The following NECAB1 variants were observed in gnomAD, a reference collection of about 807,000 sequenced individuals.
The protein encoded by NECAB1 is N-terminal EF-hand calcium binding protein 1.
A neutral mutation model predicts 57.5 loss-of-function variants in NECAB1; 29 were observed. The observed-to-expected ratio is 0.50, with a 90% CI of 0.38 to 0.69. NECAB1 has a LOEUF of 0.69. NECAB1 is among the 30% of genes least tolerant of loss of function. The pLI is 0.00. For synonymous variants in NECAB1, 142 were observed against 147.7 expected, an observed-to-expected ratio of 0.96 and a Z score of 0.28; for missense variants, 372 against 413.8, an observed-to-expected ratio of 0.90 and a Z score of 0.88.
chr8:90,918,074 A>G (rs1198800311), intron 6 of NECAB1, among the ~76,000 whole-genome samples: 1 of 149,644 alleles, frequency 6.7e-6, no homozygotes, highest in African/African-American at 2.5e-5. Context: ...CAGTGGCACG[A>G]TCTTGGCTCA....
At chr8:90,812,098 G>A (rs888701980) in intron 2 of NECAB1, among the ~76,000 whole-genome samples, 1 of 152,140 alleles carries the variant, frequency 6.6e-6, no homozygotes, top group African/African-American at 2.4e-5. Context: ...TCTTTTGGAG[G>A]GTAAACTAGC....
chr8:90,881,363 C>T (rs1808832659), intron 5 of NECAB1, among the ~76,000 whole-genome samples: 1 of 152,188 alleles, frequency 6.6e-6, no homozygotes, highest in East Asian at 1.9e-4. Flanking sequence ...GAATAGCTCT[C>T]AGCCTGGTGG....
At chr8:90,820,732 C>A (rs1281396386) in intron 2 of NECAB1, among the ~76,000 whole-genome samples, 6 of 148,068 alleles carry the variant, frequency 4.1e-5, no homozygotes, top group Admixed American at 1.3e-4. Flanking sequence ...ACCTGATTAC[C>A]TAAAAAAAAA....
At chr8:90,891,797 G>T (rs577587352) in intron 5 of NECAB1, among the ~76,000 whole-genome samples, 1 of 151,754 alleles carries the variant, frequency 6.6e-6, no homozygotes, top group Non-Finnish European at 1.5e-5. Context: ...AGGTTCAAGC[G>T]ATTCTCCTGC....
chr8:90,928,251 G>T lies in NECAB1; in HGVS notation c.645G>T (p.Met215Ile). 6.2e-7 allele frequency: 1 copy of T among 1,610,058 alleles called. No homozygotes were observed. Among genetic ancestry groups the T allele is most frequent in the South Asian group, 1.1e-5 (1 of 90,618 alleles). ...TATTAGAAGAAGACAACCAGTGGAT[G>T]ACCCAGATAAATAGACTCCAGAAAT... ...PGLLEEDNQWMTQINRLQKLI... is the reference protein window; with the variant it reads ...PGLLEEDNQWITQINRLQKLI... The change falls in exon 8 of 13, where the codon ATG (methionine) becomes ATT (isoleucine). Residue 215 changes from methionine to isoleucine, a missense_variant. By Grantham distance (10) the Met-to-Ile change is conservative. Transcript: ENST00000417640.
At position 90,951,158 on chromosome 8, in the gene NECAB1, G is replaced by T; in HGVS notation, c.984G>T (p.Val328=). The T allele has an allele frequency of 6.2e-7, 1 of 1,602,320 alleles. No individual in the cohort carries two copies. The highest frequency in any genetic ancestry group is 8.5e-7 in the Non-Finnish European group (1 of 1,174,412). The change falls in exon 12 of 13, where the codon GTG becomes GTT. Residue 328 remains valine (V), a synonymous_variant. Coordinates refer to ENST00000417640, the MANE Select transcript of NECAB1 (RefSeq NM_022351.5). ...NYSKTFQRSN[V]DFLETPELTS... is the part of the protein sequence containing the mutation. ...GCAAGACATTCCAAAGAAGTAATGT[G>T]GATTTCTTGGAAACTCCAGAACTCA...
chr8:90,903,383 GA>G (rs141511083), intron 5 of NECAB1, among the ~76,000 whole-genome samples: 11 of 151,936 alleles, frequency 7.2e-5, no homozygotes, highest in African/African-American at 2.7e-4. Context: ...TTTATCTGCA[GA>G]AAAAAACATG....
chr8:90,911,276 GTAAAATC>G, intron 5 of NECAB1, among the ~76,000 whole-genome samples: 1 of 152,146 alleles, frequency 6.6e-6, no homozygotes, highest in Admixed American at 6.6e-5. Flanking sequence ...AGAAAGAGGA[GTAAAATC>G]AAAGACTAAG....
intron 10 of NECAB1, among the ~76,000 whole-genome samples, chr8:90,943,777 G>A (rs1373784449): frequency 6.6e-6 from 1 of 152,118 alleles, no homozygotes; most frequent in African/African-American, 2.4e-5. Flanking sequence ...TTTGAGACAG[G>A]ATCTTGCTCT....
intron 5 of NECAB1, among the ~76,000 whole-genome samples, chr8:90,906,883 A>ATGTG (rs1451327912): frequency 0.014 from 1,152 of 80,762 alleles, 47 homozygotes; most frequent in African/African-American, 0.053. Flanking sequence ...ACACATATAT[A>ATGTG]TATATATATA....
At position 90,881,017 on chromosome 8, in the gene NECAB1, T is replaced by C. The variant is rs1251322692; in HGVS notation, c.260-16T>C. 6.5e-7 allele frequency: 1 copy of C among 1,547,338 alleles called. No individual in the cohort carries two copies. Among genetic ancestry groups the C allele is most frequent in the Admixed American group, 1.9e-5 (1 of 53,230 alleles). On this transcript the variant is annotated splice_polypyrimidine_tract_variant and intron_variant, in intron 4 of 12. Transcript: ENST00000417640. ...AAACTCAAATATGAATTTATTTCAA[T>C]ATTTTCATTTTTCAGAATATTTTTC...
chr8:90,887,757 T>C (rs373582253), intron 5 of NECAB1, among the ~76,000 whole-genome samples: 1 of 152,204 alleles, frequency 6.6e-6, no homozygotes, highest in Admixed American at 6.5e-5. Context: ...TCAGAGGCCC[T>C]CTTTCATGTC....
chr8:90,834,133 C>G (rs922993005), intron 3 of NECAB1, among the ~76,000 whole-genome samples: 17 of 136,854 alleles, frequency 1.2e-4, no homozygotes, highest in African/African-American at 4.5e-4. Flanking sequence ...CCACTGTACT[C>G]CAGCCTAAGA....
intron 3 of NECAB1, among the ~76,000 whole-genome samples, chr8:90,864,620 T>C (rs1326802108): frequency 6.6e-6 from 1 of 151,826 alleles, no homozygotes; most frequent in African/African-American, 2.4e-5. Context: ...ATAAAGCTTA[T>C]CACAGGGATT....
At chr8:90,920,331 CT>C in intron 6 of NECAB1, among the ~76,000 whole-genome samples, 1 of 152,174 alleles carries the variant, frequency 6.6e-6, no homozygotes, top group Admixed American at 6.5e-5. Context: ...ATGAACCAGA[CT>C]GAAGCACGTG....
chr8:90,906,895 A>ATATATGTATATATATATG (rs1563528307), intron 5 of NECAB1, among the ~76,000 whole-genome samples: 1 of 139,198 alleles, frequency 7.2e-6, no homozygotes. Flanking sequence ...ATATATATAT[A>ATATATGTATATATATATG]TATATATATA....
At position 90,824,834 on chromosome 8, in the gene NECAB1, C is replaced by CT. The variant is rs1563497611; in HGVS notation, c.233+15dup. The CT allele has an allele frequency of 2.1e-6, 3 of 1,402,340 alleles. No individual in the cohort carries two copies. Among genetic ancestry groups the CT allele is most frequent in the South Asian group, 1.4e-5 (1 of 72,730 alleles). 86.9% of individuals were successfully genotyped at this position (1,402,340 alleles called of 1,614,324 possible). A position where few individuals can be genotyped will look rare whatever the true frequency, so the allele number is the denominator to read the frequency against. On this transcript the variant is annotated intron_variant, in intron 3 of 12. Coordinates refer to ENST00000417640, the MANE Select transcript of NECAB1 (RefSeq NM_022351.5). ...GATACACATAATACTAAGTAAGAAA[C>CT]TTTTTTATCACTGGATTCCACAAGT...
Position 90,802,405 on chromosome 8 carries a change from A to G in NECAB1, c.124+690A>G, listed in dbSNP as rs578194880. On this transcript the variant is annotated intron_variant, in intron 2 of 12. Coordinates refer to ENST00000417640, the MANE Select transcript of NECAB1 (RefSeq NM_022351.5). ...TATCTTTCGACTCTATTATTCCACT[A>G]GAAACTTTGTCCCAGAGAACACCAA... is the stretch of plus-strand genomic sequence containing the variant. Among the ~76,000 whole-genome samples, 5 of 152,336 alleles carry G rather than the reference A, an allele frequency of 3.3e-5. No individual in the cohort carries two copies. The East Asian group carries it at 9.6e-4, about 29-fold the overall frequency.
At chr8:90,879,430 C>T (rs1039034072) in intron 4 of NECAB1, among the ~76,000 whole-genome samples, 16 of 151,752 alleles carry the variant, frequency 1.1e-4, no homozygotes, top group South Asian at 2.1e-4. Flanking sequence ...ATTATACGCA[C>T]GAGCCTCCAT....
Sources: allele counts gnomAD v4.1 joint callset (sites outside exome capture counted in the v4.1 genomes callset), GRCh38; gene constraint gnomAD v4.1.1; transcripts MANE v1.5; gene names NCBI Gene and HGNC (gene_info 2026-07-23, HGNC 2026-07-21).